Variants in VPS13B observed in about 807,000 individuals in gnomAD.
VPS13B encodes intermembrane lipid transfer protein VPS13B.
VPS13B carries 285 observed loss-of-function variants against 426.4 expected under a neutral mutation model. That is an observed-to-expected ratio of 0.67 (90% confidence interval 0.61 to 0.74). VPS13B has a LOEUF of 0.74. Ranked by LOEUF, VPS13B falls within the 30% of genes least tolerant of loss-of-function variation. The probability of loss-of-function intolerance (pLI) is 0.00; values close to 1 mark genes in which losing one functional copy is unlikely to be tolerated. For missense variants in VPS13B, 4,537 were observed against 4,782.6 expected, an observed-to-expected ratio of 0.95 and a Z score of 1.51; for synonymous variants, 1,676 against 1,676.4, an observed-to-expected ratio of 1.00 and a Z score of 0.01.
intron 17 of VPS13B, among the ~76,000 whole-genome samples, chr8:99,195,726 T>C (rs4735605): frequency 0.042 from 6,390 of 152,336 alleles, 169 homozygotes; most frequent in South Asian, 0.1. Flanking sequence ...CCCTTCTGAA[T>C]TGGTTTTTCC....
chr8:99,659,972 G>A (rs1401539263), intron 34 of VPS13B, among the ~76,000 whole-genome samples: 1 of 152,160 alleles, frequency 6.6e-6, no homozygotes, highest in African/African-American at 2.4e-5. Context: ...CAAACTGGTT[G>A]TAGATCCTAC....
Position 99,754,705 on chromosome 8 carries a change from T to G in VPS13B, c.7051-12069T>G, listed in dbSNP as rs1488644905. ...CTTGTCTACTAATTTTCTAGTACTT[T>G]TCTCTTTGGGGAATATATTTGGTTT... On this transcript the variant is annotated intron_variant, in intron 39 of 61. Transcript: ENST00000357162. 2.6e-5 allele frequency among the ~76,000 whole-genome samples: 4 copies of G among 152,360 alleles called. No homozygotes were observed. The East Asian group carries it at 5.8e-4, about 22-fold the overall frequency.
chr8:99,437,472 C>A (rs1191812062), intron 22 of VPS13B, among the ~76,000 whole-genome samples: 2 of 151,744 alleles, frequency 1.3e-5, no homozygotes, highest in Non-Finnish European at 2.9e-5. Context: ...AATCCCAGCA[C>A]TTTGGAAGTC....
At chr8:99,633,840 C>CGT (rs1335314649) in intron 33 of VPS13B, among the ~76,000 whole-genome samples, 3 of 36,502 alleles carry the variant, frequency 8.2e-5, no homozygotes, top group African/African-American at 2.8e-4. Flanking sequence ...TGTGTGTGTG[C>CGT]GTGTTTTAAC....
At chr8:99,335,035 T>G (rs1246774352) in intron 19 of VPS13B, among the ~76,000 whole-genome samples, 1 of 152,042 alleles carries the variant, frequency 6.6e-6, no homozygotes, top group Non-Finnish European at 1.5e-5. Flanking sequence ...CAATTTCAGC[T>G]CCTGTTATTG....
chr8:99,236,867 G>C (rs1003532484), intron 17 of VPS13B, among the ~76,000 whole-genome samples: 1 of 152,162 alleles, frequency 6.6e-6, no homozygotes, highest in Non-Finnish European at 1.5e-5. Flanking sequence ...ATATAAAGTA[G>C]TTTCAAAAAT....
rs543645210 is a variant in VPS13B at position 99,081,147 on chromosome 8, G to A, written c.292-15165G>A. ...AAATTGGGGATTCACTCTGTTACTG[G>A]TTTTAAGCGTTGAGCTTGGTAACAG... On this transcript the variant is annotated intron_variant, in intron 3 of 61. Coordinates refer to ENST00000357162, the MANE Select transcript of VPS13B (RefSeq NM_152564.5). Among the ~76,000 whole-genome samples the A allele has an allele frequency of 2.0e-5, 3 of 152,278 alleles. No homozygotes were observed. In the South Asian group the frequency reaches 6.2e-4, roughly 32 times the overall value.
intron 24 of VPS13B, among the ~76,000 whole-genome samples, chr8:99,473,820 A>G (rs564765276): frequency 6.6e-6 from 1 of 152,338 alleles, no homozygotes; most frequent in South Asian, 2.1e-4. Context: ...GACAAAGTTA[A>G]TGTATTAAAA....
At chr8:99,354,611 A>T (rs571743250) in intron 19 of VPS13B, among the ~76,000 whole-genome samples, 1 of 152,240 alleles carries the variant, frequency 6.6e-6, no homozygotes, top group East Asian at 1.9e-4. Flanking sequence ...TTAGAAATTC[A>T]TTCTGGTTAT....
intron 36 of VPS13B, among the ~76,000 whole-genome samples, chr8:99,710,835 CA>C (rs532543246): frequency 0.038 from 3,248 of 86,362 alleles, 71 homozygotes; most frequent in African/African-American, 0.11. Context: ...ACTAAAAATG[CA>C]AAAAAAAAAA....
rs915526236 is a variant in VPS13B at position 99,699,845 on chromosome 8, G to A, written c.6367G>A (p.Val2123Ile). 4 of 1,613,704 alleles carry A rather than the reference G, an allele frequency of 2.5e-6. No homozygotes were observed. The highest frequency in any genetic ancestry group is 2.5e-6 in the Non-Finnish European group (3 of 1,179,932). ...TCAGATTGTGATCTCCATGGAAACT[G>A]TACCCCATACCAGCAAACCATGCCT... Reference protein sequence around the residue: ...TTQIVISMETVPHTSKPCLLA... With the variant: ...TTQIVISMETIPHTSKPCLLA... Residue 2123 changes from valine (V) to isoleucine (I), a missense_variant, in exon 36 of 62, where the codon GTA becomes ATA. Transcript: ENST00000357162.
intron 19 of VPS13B, among the ~76,000 whole-genome samples, chr8:99,363,217 T>G (rs1812664692): frequency 6.6e-6 from 1 of 152,200 alleles, no homozygotes; most frequent in South Asian, 2.1e-4. Context: ...AGTTTTATTC[T>G]TATGCCTATG....
intron 30 of VPS13B, among the ~76,000 whole-genome samples, chr8:99,549,726 T>C (rs1376832452): frequency 1.3e-5 from 2 of 152,044 alleles, no homozygotes; most frequent in African/African-American, 4.8e-5. Flanking sequence ...GCTGGAAACC[T>C]CCATGCCTTA....
chr8:99,769,135 C>T (rs1201601689), intron 40 of VPS13B, among the ~76,000 whole-genome samples: 1 of 152,156 alleles, frequency 6.6e-6, no homozygotes, highest in Non-Finnish European at 1.5e-5. Flanking sequence ...TTTCACCAAG[C>T]ATCTGACATT....
intron 17 of VPS13B, chr8:99,233,306 T>C (rs1816449941): frequency 4.5e-6 from 5 of 1,117,376 alleles, no homozygotes; most frequent in Non-Finnish European, 4.1e-6. Flanking sequence ...GAGAGCACTC[T>C]GATATGGGCT....
At chr8:99,816,651 A>G (rs1024365894) in intron 44 of VPS13B, among the ~76,000 whole-genome samples, 1 of 151,928 alleles carries the variant, frequency 6.6e-6, no homozygotes, top group African/African-American at 2.4e-5. Flanking sequence ...AAAAAACACA[A>G]AAGTTAGCGA....
intron 51 of VPS13B, 71 bp downstream of exon 51, chr8:99,824,049 T>A: frequency 6.4e-7 from 1 of 1,550,464 alleles, no homozygotes; most frequent in Non-Finnish European, 8.8e-7. Context: ...AACTTCTCTT[T>A]AACCTATAGC....
chr8:99,136,782 T>C (rs747820860), intron 12 of VPS13B, 30 bp downstream of exon 12: 7 of 1,604,686 alleles, frequency 4.4e-6, no homozygotes, highest in Non-Finnish European at 3.4e-6. Flanking sequence ...ATGTGTGCCA[T>C]TTCTTGAACA....
intron 56 of VPS13B, among the ~76,000 whole-genome samples, chr8:99,857,991 G>A (rs530216247): frequency 6.3e-4 from 96 of 152,328 alleles, no homozygotes; most frequent in African/African-American, 2.2e-3. Context: ...CTGGGCATGG[G>A]ATTCTTCGGG....
Sources: allele counts gnomAD v4.1 joint callset (sites outside exome capture counted in the v4.1 genomes callset), GRCh38; gene constraint gnomAD v4.1.1; transcripts MANE v1.5; gene names NCBI Gene and HGNC (gene_info 2026-07-23, HGNC 2026-07-21).